Variants in FHIP2B observed in about 807,000 individuals in gnomAD.
The protein encoded by FHIP2B is FHF complex subunit HOOK interacting protein 2B, also known as FHF complex subunit HOOK-interacting protein 2B.
A neutral mutation model predicts 84.0 loss-of-function variants in FHIP2B; 72 were observed. The ratio of observed to expected loss-of-function variants is 0.86; its 90% CI spans 0.71 to 1.04. The LOEUF (loss-of-function observed/expected upper bound fraction) is 1.04. Among genes scored for constraint, FHIP2B ranks in the 50% least tolerant of loss-of-function variants. The pLI is 0.00. For synonymous variants in FHIP2B, 497 were observed against 418.7 expected (o/e 1.19, Z -2.28); for missense variants, 972 against 968.9 (o/e 1.00, Z -0.04).
intron 5 of FHIP2B, 99 bp downstream of exon 5, chr8:22,097,938 G>T: frequency 1.9e-6 from 3 of 1,556,884 alleles, no homozygotes; most frequent in Non-Finnish European, 2.6e-6. Context: ...TCAGGTACCC[G>T]GGAGGCACGC....
At chr8:22,092,565 C>CT (rs11393768) in intron 1 of FHIP2B, among the ~76,000 whole-genome samples, 64,336 of 123,852 alleles carry the variant, frequency 0.52, 18,177 homozygotes, top group Middle Eastern at 0.67. Flanking sequence ...CGGTGAGACT[C>CT]TTTTTTTTTT....
Position 22,096,369 on chromosome 8 carries a change from C to T in FHIP2B, c.157C>T (p.Pro53Ser). Residue 53 changes from proline to serine, a missense_variant, in exon 3 of 17, where the codon CCC (proline) becomes TCC (serine). Pro to Ser is a moderately conservative substitution (Grantham distance 74). Transcript: ENST00000289921. The part of the protein sequence containing the change: ...ESTPAKKTDI[P>S]WRLKQMLDIL... ...CACCCCCGCCAAGAAGACAGACATT[C>T]CCTGGCGGCTGAAGCAGATGCTGGA... is the stretch of plus-strand genomic sequence containing the variant. 6.4e-7 allele frequency: 1 copy of T among 1,560,582 alleles called. No individual in the cohort carries two copies. The highest frequency in any genetic ancestry group is 8.7e-7 in the Non-Finnish European group (1 of 1,152,348).
chr8:22,093,955 C>T (rs1374754071), intron 1 of FHIP2B, among the ~76,000 whole-genome samples: 3 of 152,058 alleles, frequency 2.0e-5, no homozygotes, highest in Admixed American at 6.5e-5. Context: ...GGACTCGAGC[C>T]GTCTGCCCAC....
At chr8:22,094,976 G>A (rs1254657832) in intron 2 of FHIP2B, 4 of 855,430 alleles carry the variant, frequency 4.7e-6, no homozygotes, top group Non-Finnish European at 4.3e-6. Context: ...GAAAACCAAG[G>A]TGGGTAACAT....
In FHIP2B at chr8:22,094,498, A is replaced by ACTACTAC; in HGVS notation, c.105_111dup (p.Ile38LeufsTer8). ...GTGGAGCACTGGAAGGGCATCACGC[A>ACTACTAC]CTACTACATCGAGAGCACAGGTGCG... On this transcript the variant is annotated frameshift_variant, in exon 2 of 17. Coordinates refer to ENST00000289921, the MANE Select transcript of FHIP2B (RefSeq NM_022749.7). LOFTEE classifies it high-confidence loss of function. The ACTACTAC allele has an allele frequency of 1.9e-6, 3 of 1,611,542 alleles. No homozygotes were observed. The highest frequency in any genetic ancestry group is 2.5e-6 in the Non-Finnish European group (3 of 1,178,962).
rs776276295 is a variant in FHIP2B at position 22,101,773 on chromosome 8, C to T, written c.1773C>T (p.Pro591=). The T allele has an allele frequency of 9.9e-6, 16 of 1,613,460 alleles. No homozygotes were observed. Among genetic ancestry groups the T allele is most frequent in the Non-Finnish European group, 1.3e-5 (15 of 1,179,786 alleles). The change falls in exon 14 of 17, where the codon CCC becomes CCT. Residue 591 remains proline (P), a synonymous_variant. Coordinates refer to ENST00000289921, the MANE Select transcript of FHIP2B (RefSeq NM_022749.7). ...CTCTGACCCCCACACCTTTGGACCC[C>T]CATGAGCCCGAGCGACCTTTCTTCG... is the stretch of plus-strand genomic sequence containing the variant. The part of the protein sequence containing the change: ...GWPLTPTPLD[P]HEPERPFFEG...
intron 3 of FHIP2B, chr8:22,097,037 C>T (rs1825809913): frequency 5.5e-6 from 1 of 181,154 alleles, no homozygotes; most frequent in East Asian, 1.5e-4. Context: ...GAGCAAGACA[C>T]TGTCTCTTAA....
At chr8:22,101,557 A>G in intron 13 of FHIP2B, 27 bp downstream of exon 13, 6 of 1,600,624 alleles carry the variant, frequency 3.7e-6, no homozygotes, top group South Asian at 2.2e-5. Flanking sequence ...ACCAGCTCCC[A>G]CTTCCTGTCC....
In FHIP2B at chr8:22,101,760, C is replaced by G. The variant is rs371472937; in HGVS notation, c.1760C>G (p.Thr587Arg). ...TCCTGGGGCTGGCCTCTGACCCCCA[C>G]ACCTTTGGACCCCCATGAGCCCGAG... The part of the protein sequence containing the change: ...VASWGWPLTP[T>R]PLDPHEPERP... Residue 587 changes from threonine to arginine, a missense_variant, in exon 14 of 17, where the codon ACA (threonine) becomes AGA (arginine). Physicochemically the swap from Thr to Arg is moderately conservative, Grantham distance 71. Transcript: ENST00000289921. 1.2e-6 allele frequency: 2 copies of G among 1,613,362 alleles called. No individual in the cohort carries two copies. The highest frequency in any genetic ancestry group is 2.7e-5 in the African/African-American group (2 of 74,932).
Position 22,102,063 on chromosome 8 carries a change from G to C in FHIP2B, c.1852-112G>C. The stretch of plus-strand genomic sequence containing the variant: ...GGAATCCATGACACACACACATCAC[G>C]TGAGCCTCCCACCCCCACACACGTT... On this transcript the variant is annotated intron_variant, in intron 14 of 16. Coordinates refer to ENST00000289921, the MANE Select transcript of FHIP2B (RefSeq NM_022749.7). 6 of 1,581,236 alleles carry C rather than the reference G, an allele frequency of 3.8e-6. No individual in the cohort carries two copies. In the Admixed American group the frequency reaches 5.3e-5, roughly 14 times the overall value.
At position 22,089,704 on chromosome 8, in the gene FHIP2B, C is replaced by G. The variant is rs945035243; in HGVS notation, c.45+406C>G. 7 of 1,176,254 alleles carry G rather than the reference C, an allele frequency of 6.0e-6. No homozygotes were observed. In the Admixed American group the frequency reaches 7.1e-5, roughly 12 times the overall value. 72.9% of individuals were successfully genotyped at this position (1,176,254 alleles called of 1,614,324 possible). A position where few individuals can be genotyped will look rare whatever the true frequency, so the allele number is the denominator to read the frequency against. ...TGCCTCCTTCCTCCGCTCCACCCCA[C>G]CGCCTCGCCTGGGCTTGAAAAAATC... On this transcript the variant is annotated intron_variant, in intron 1 of 16. Transcript: ENST00000289921.
At chr8:22,090,999 T>C (rs894612401) in intron 1 of FHIP2B, among the ~76,000 whole-genome samples, 5 of 152,136 alleles carry the variant, frequency 3.3e-5, no homozygotes. Flanking sequence ...GAGATCTTTT[T>C]AGGCAGGTGA....
intron 1 of FHIP2B, chr8:22,089,916 G>T: frequency 8.8e-7 from 1 of 1,130,836 alleles, no homozygotes; most frequent in Non-Finnish European, 1.2e-6. Flanking sequence ...ATTGGGTGCA[G>T]ATGTTTCCAG....
chr8:22,099,185 G>T, intron 8 of FHIP2B, 99 bp from the exon 9 acceptor site: 1 of 1,529,506 alleles, frequency 6.5e-7, no homozygotes, highest in Non-Finnish European at 8.9e-7. Context: ...GGCGGGCCGG[G>T]ACCCTCTCCT....
Position 22,099,872 on chromosome 8 carries a change from T to C in FHIP2B, c.1320T>C (p.His440=), listed in dbSNP as rs371210012. 22 of 1,611,540 alleles carry C rather than the reference T, an allele frequency of 1.4e-5. No homozygotes were observed. Among genetic ancestry groups the C allele is most frequent in the Middle Eastern group, 1.6e-4 (1 of 6,068 alleles). Residue 440 remains histidine (H), a synonymous_variant, in exon 10 of 17, where the codon CAT becomes CAC. Transcript: ENST00000289921. ...PHTLYAHLIG[H]CDHLSDEISI... The stretch of plus-strand genomic sequence containing the variant: ...CCCTGTATGCTCATCTCATCGGGCA[T>C]TGTGACCACCTCTCTGATGAGGTAC...
intron 1 of FHIP2B, among the ~76,000 whole-genome samples, chr8:22,092,774 C>T (rs1171224407): frequency 1.3e-5 from 2 of 152,156 alleles, no homozygotes; most frequent in Non-Finnish European, 2.9e-5. Context: ...TGACCTGGTT[C>T]TTCAAGTTTT....
At chr8:22,100,007 A>C in intron 10 of FHIP2B, 114 bp downstream of exon 10, 1 of 1,096,914 alleles carries the variant, frequency 9.1e-7, no homozygotes, top group Non-Finnish European at 1.3e-6. Flanking sequence ...TGAGACACTG[A>C]ACTGCAAAAC....
Position 22,104,545 on chromosome 8 carries a change from T to C in FHIP2B, c.*1614T>C. ...ACAGGCTCTGGCAGTGCAGATCTGC[T>C]GATCCTCAGCGCCTGCCAGGAGCCA... On this transcript the variant is annotated 3_prime_UTR_variant, in exon 17 of 17. Coordinates refer to ENST00000289921, the MANE Select transcript of FHIP2B (RefSeq NM_022749.7). 1 of 152,280 alleles carries C rather than the reference T, an allele frequency of 6.6e-6. No individual in the cohort carries two copies. The highest frequency in any genetic ancestry group is 1.5e-5 in the Non-Finnish European group (1 of 68,014). The allele number at this position is 152,280 out of a possible 1,614,324, so 9.4% of individuals were successfully genotyped here. A position where few individuals can be genotyped will look rare whatever the true frequency, so the allele number is the denominator to read the frequency against.
At position 22,102,915 on chromosome 8, in the gene FHIP2B, C is replaced by T. The variant is rs761821028; in HGVS notation, c.2216C>T (p.Pro739Leu). The T allele has an allele frequency of 1.4e-5, 23 of 1,613,396 alleles. No homozygotes were observed. Among genetic ancestry groups the T allele is most frequent in the African/African-American group, 4.0e-5 (3 of 74,918 alleles). Residue 739 changes from proline (P) to leucine (L), a missense_variant, in exon 17 of 17, where the codon CCG (proline) becomes CTG (leucine). Coordinates refer to ENST00000289921, the MANE Select transcript of FHIP2B (RefSeq NM_022749.7). ...HDPRQNVSPA[P>L]EGQV Reference sequence around the variant, plus strand: ...CCTCGCCAGAACGTCTCCCCAGCCCCGGAAGGGCAGGTCTGAGCCAGCACC... The same window carrying T: ...CCTCGCCAGAACGTCTCCCCAGCCCTGGAAGGGCAGGTCTGAGCCAGCACC...
Sources: allele counts gnomAD v4.1 joint callset (sites outside exome capture counted in the v4.1 genomes callset), GRCh38; gene constraint gnomAD v4.1.1; transcripts MANE v1.5; gene names NCBI Gene and HGNC (gene_info 2026-07-23, HGNC 2026-07-21).